Variants in PTPRR observed in about 807,000 individuals in gnomAD.
PTPRR encodes receptor-type tyrosine-protein phosphatase R.
A neutral mutation model predicts 77.2 loss-of-function variants in PTPRR; 38 were observed. That is an observed-to-expected ratio of 0.49 (90% CI 0.38 to 0.65). The LOEUF (loss-of-function observed/expected upper bound fraction) is 0.65. Ranked by LOEUF, PTPRR falls within the 30% of genes least tolerant of loss-of-function variation. The pLI is 0.00. For missense variants in PTPRR, 744 were observed against 799.2 expected, an observed-to-expected ratio of 0.93 and a Z score of 0.83; for synonymous variants, 299 against 283.1, an observed-to-expected ratio of 1.06 and a Z score of -0.57.
intron 2 of PTPRR, among the ~76,000 whole-genome samples, chr12:70,771,163 A>AT (rs1022508613): frequency 7.5e-5 from 10 of 132,462 alleles, no homozygotes; most frequent in African/African-American, 3.1e-4. Flanking sequence ...ATAATAATAA[A>AT]TTAAAAAAAA....
At chr12:70,715,054 T>C (rs1008216392) in intron 6 of PTPRR, among the ~76,000 whole-genome samples, 1 of 152,072 alleles carries the variant, frequency 6.6e-6, no homozygotes, top group Non-Finnish European at 1.5e-5. Context: ...GACATTACGA[T>C]ATCAGGGAAC....
chr12:70,745,134 G>A (rs1185975727), intron 6 of PTPRR, among the ~76,000 whole-genome samples: 2 of 151,780 alleles, frequency 1.3e-5, no homozygotes, highest in African/African-American at 2.4e-5. Context: ...ATGCTATCTC[G>A]GCTCACTGCA....
At chr12:70,795,670 C>T (rs890216654) in intron 2 of PTPRR, among the ~76,000 whole-genome samples, 4 of 152,068 alleles carry the variant, frequency 2.6e-5, no homozygotes, top group Admixed American at 6.6e-5. Context: ...ATTCTCTTTA[C>T]CCCAAAGCCA....
At chr12:70,662,472 T>C (rs202159066) in intron 11 of PTPRR, 23 bp downstream of exon 11, 2 of 1,393,004 alleles carry the variant, frequency 1.4e-6, no homozygotes, top group Non-Finnish European at 2.0e-6. Flanking sequence ...ACTTTGTAGA[T>C]GGCTATAGCT....
At chr12:70,783,148 T>G (rs915184421) in intron 2 of PTPRR, among the ~76,000 whole-genome samples, 13 of 152,128 alleles carry the variant, frequency 8.5e-5, no homozygotes, top group African/African-American at 3.1e-4. Context: ...GAATGAGGTA[T>G]GCAGACAAGT....
intron 10 of PTPRR, chr12:70,672,004 A>C (rs1566058108): frequency 2.3e-6 from 3 of 1,304,834 alleles, no homozygotes; most frequent in African/African-American, 1.4e-5. Context: ...ACATGAGACT[A>C]GTCCAGTTCC....
At chr12:70,827,994 A>G (rs1364457497) in intron 2 of PTPRR, among the ~76,000 whole-genome samples, 1 of 152,080 alleles carries the variant, frequency 6.6e-6, no homozygotes, top group African/African-American at 2.4e-5. Flanking sequence ...TGTTGGGATT[A>G]CAGGCGTGAG....
chr12:70,746,100 T>C lies in PTPRR; in HGVS notation c.739-14A>G, dbSNP rs1481324673. On this transcript the variant is annotated splice_polypyrimidine_tract_variant and intron_variant, in intron 5 of 13. Transcript: ENST00000283228. ...TCTGTAAAGAATCTATAGAAGGAGATATAAAAAACTCCTGTCACATTTTCT... is the reference window on the plus strand; with the variant it reads ...TCTGTAAAGAATCTATAGAAGGAGACATAAAAAACTCCTGTCACATTTTCT... 2 of 1,599,378 alleles carry C rather than the reference T, an allele frequency of 1.3e-6. No homozygotes were observed. The highest frequency in any genetic ancestry group is 1.3e-5 in the African/African-American group (1 of 74,204).
intron 6 of PTPRR, among the ~76,000 whole-genome samples, chr12:70,716,602 C>T (rs1889040835): frequency 6.6e-6 from 1 of 152,144 alleles, no homozygotes; most frequent in South Asian, 2.1e-4. Flanking sequence ...CTTTTTTCAG[C>T]CACTTTGGAT....
At chr12:70,643,200 C>G (rs751510399) in intron 13 of PTPRR, among the ~76,000 whole-genome samples, 3 of 152,142 alleles carry the variant, frequency 2.0e-5, no homozygotes, top group Non-Finnish European at 2.9e-5. Flanking sequence ...GTCATGCAAT[C>G]ACAGCTCACT....
intron 8 of PTPRR, among the ~76,000 whole-genome samples, chr12:70,692,944 G>C (rs1888104277): frequency 6.6e-6 from 1 of 152,112 alleles, no homozygotes; most frequent in South Asian, 2.1e-4. Flanking sequence ...TTTCTATTTG[G>C]GATGTGGCTC....
intron 6 of PTPRR, among the ~76,000 whole-genome samples, chr12:70,708,410 A>T (rs1888697454): frequency 6.6e-6 from 1 of 152,140 alleles, no homozygotes; most frequent in Middle Eastern, 3.2e-3. Context: ...AAGCTTACAT[A>T]GGTAAATGTT....
At chr12:70,821,808 G>A (rs1455495380) in intron 2 of PTPRR, among the ~76,000 whole-genome samples, 1 of 152,038 alleles carries the variant, frequency 6.6e-6, no homozygotes, top group Admixed American at 6.5e-5. Context: ...GGGACTACAG[G>A]CGCCCGCCAC....
At chr12:70,770,628 CA>C (rs1890948767) in intron 2 of PTPRR, among the ~76,000 whole-genome samples, 1 of 152,116 alleles carries the variant, frequency 6.6e-6, no homozygotes, top group Non-Finnish European at 1.5e-5. Flanking sequence ...CTAGAAATAC[CA>C]TTTGACCCAG....
intron 1 of PTPRR, among the ~76,000 whole-genome samples, chr12:70,917,964 A>T (rs1219720696): frequency 1.3e-5 from 2 of 152,210 alleles, no homozygotes; most frequent in Non-Finnish European, 2.9e-5. Flanking sequence ...GAATGTATAG[A>T]ATTCATTTCC....
intron 10 of PTPRR, among the ~76,000 whole-genome samples, chr12:70,671,628 C>T (rs1887227411): frequency 6.6e-6 from 1 of 152,180 alleles, no homozygotes; most frequent in Non-Finnish European, 1.5e-5. Context: ...CCTGTAAAGA[C>T]TGAAATCTGA....
chr12:70,691,850 C>G (rs889604072), intron 8 of PTPRR, among the ~76,000 whole-genome samples: 2 of 152,144 alleles, frequency 1.3e-5, no homozygotes, highest in Non-Finnish European at 2.9e-5. Flanking sequence ...TGCCTTCAAT[C>G]TTGCTTTTTT....
intron 2 of PTPRR, among the ~76,000 whole-genome samples, chr12:70,773,990 G>T (rs1351029675): frequency 6.6e-6 from 1 of 152,166 alleles, no homozygotes; most frequent in Non-Finnish European, 1.5e-5. Context: ...GCATACCTGG[G>T]AGACTAGAAA....
chr12:70,730,938 A>C (rs1482871323), intron 6 of PTPRR, among the ~76,000 whole-genome samples: 3 of 149,362 alleles, frequency 2.0e-5, no homozygotes, highest in Non-Finnish European at 4.5e-5. Flanking sequence ...GAGAGACAGA[A>C]GGAAGGAAAG....
Sources: allele counts gnomAD v4.1 joint callset (sites outside exome capture counted in the v4.1 genomes callset), GRCh38; gene constraint gnomAD v4.1.1; transcripts MANE v1.5; gene names NCBI Gene and HGNC (gene_info 2026-07-23, HGNC 2026-07-21).